TDRD3: variants seen among roughly 807,000 people sequenced by gnomAD.
TDRD3 encodes the protein tudor domain containing 3, also known as tudor domain-containing protein 3.
Under a neutral mutation model 86.7 loss-of-function variants are expected in TDRD3, and 45 were observed. The ratio of observed to expected loss-of-function variants is 0.52; its 90% CI spans 0.41 to 0.67. TDRD3 has a LOEUF of 0.67. TDRD3 is among the 30% of genes least tolerant of loss of function. The probability of loss-of-function intolerance (pLI) is 0.00; values close to 1 mark genes in which losing one functional copy is unlikely to be tolerated. For synonymous variants in TDRD3, 298 were observed against 301.7 expected, an observed-to-expected ratio of 0.99 and a Z score of 0.13; for missense variants, 814 against 889.0, an observed-to-expected ratio of 0.92 and a Z score of 1.07.
chr13:60,496,343 A>ATC lies in TDRD3; in HGVS notation c.858+1769_858+1770dup, dbSNP rs1555282896. On this transcript the variant is annotated intron_variant, in intron 8 of 13. Transcript: ENST00000377881. ...TATATATATATATATATATATATAT[A>ATC]TCCTCTAAAGTTTTGTCCCTCTAAA... 9.7e-3 allele frequency among the ~76,000 whole-genome samples: 891 copies of ATC among 91,394 alleles called. 39 individuals carry two copies. The highest frequency in any genetic ancestry group is 0.013 in the Non-Finnish European group (619 of 46,512). 60.0% of individuals were successfully genotyped at this position (91,394 alleles called of 152,430 possible).
At chr13:60,429,596 ATTG>A (rs1413072801) in intron 1 of TDRD3, among the ~76,000 whole-genome samples, 1 of 152,178 alleles carries the variant, frequency 6.6e-6, no homozygotes, top group East Asian at 1.9e-4. Flanking sequence ...TTACTTTCTT[ATTG>A]TTAAAAAACT....
At chr13:60,402,691 CTTTTTTTTTTT>C (rs35984156) in intron 1 of TDRD3, among the ~76,000 whole-genome samples, 1 of 73,272 alleles carries the variant, frequency 1.4e-5, no homozygotes, top group African/African-American at 5.9e-5. Flanking sequence ...AAACCAATTG[CTTTTTTTTTTT>C]TTTTTTTTTT....
At chr13:60,549,671 TATCTC>T (rs1461873373) in intron 12 of TDRD3, among the ~76,000 whole-genome samples, 1 of 152,160 alleles carries the variant, frequency 6.6e-6, no homozygotes, top group Admixed American at 6.5e-5. Context: ...TTTGGGGGCT[TATCTC>T]AGTAAAGAAA....
rs975316747 is a variant in TDRD3 at position 60,439,824 on chromosome 13, A to G, written c.126+52A>G. 1.5e-5 allele frequency: 19 copies of G among 1,304,130 alleles called. No homozygotes were observed. In the African/African-American group the frequency reaches 2.6e-4, roughly 18 times the overall value. The allele number at this position is 1,304,130 out of a possible 1,614,324, so 80.8% of individuals were successfully genotyped here. A position where few individuals can be genotyped will look rare whatever the true frequency, so the allele number is the denominator to read the frequency against. The stretch of plus-strand genomic sequence containing the variant: ...CATTTGAAATCTGGAAGCTGTATTC[A>G]TAAAAAAGTCTCAGAGTAAATTGGG... On this transcript the variant is annotated intron_variant, in intron 2 of 13. Transcript: ENST00000377881.
At chr13:60,431,899 C>T (rs1233235744) in intron 1 of TDRD3, among the ~76,000 whole-genome samples, 3 of 151,798 alleles carry the variant, frequency 2.0e-5, no homozygotes, top group South Asian at 2.1e-4. Flanking sequence ...TTAAATAGTA[C>T]GTACCTTTAT....
intron 12 of TDRD3, among the ~76,000 whole-genome samples, chr13:60,557,227 A>AG (rs71092684): frequency 4.0e-5 from 6 of 149,400 alleles, no homozygotes; most frequent in African/African-American, 1.5e-4. Flanking sequence ...AAAAAAAAAA[A>AG]GTAGTTCCTG....
chr13:60,518,141 A>T (rs1052934215), intron 10 of TDRD3, among the ~76,000 whole-genome samples: 1 of 152,210 alleles, frequency 6.6e-6, no homozygotes, highest in Non-Finnish European at 1.5e-5. Context: ...GTGAAAATAT[A>T]CTACACTGCT....
chr13:60,506,293 C>T (rs893392787), intron 8 of TDRD3, among the ~76,000 whole-genome samples: 2 of 152,100 alleles, frequency 1.3e-5, no homozygotes, highest in South Asian at 4.1e-4. Context: ...CCAAACTAAG[C>T]TTCAAAAGCA....
chr13:60,535,757 T>C (rs966313055), intron 12 of TDRD3: 5 of 152,174 alleles, frequency 3.3e-5, no homozygotes, highest in Admixed American at 3.3e-4. Context: ...ATTATTGGAG[T>C]AGTTTTGTTA....
intron 4 of TDRD3, among the ~76,000 whole-genome samples, chr13:60,462,667 A>G (rs1015666984): frequency 3.3e-5 from 5 of 151,852 alleles, no homozygotes; most frequent in African/African-American, 1.2e-4. Context: ...GCCCCTTGCT[A>G]GTTTTTATTA....
At chr13:60,409,718 G>T (rs2137822525) in intron 1 of TDRD3, among the ~76,000 whole-genome samples, 2 of 152,316 alleles carry the variant, frequency 1.3e-5, no homozygotes, top group South Asian at 4.1e-4. Flanking sequence ...GCTTGCTTTT[G>T]ATTGTACAGG....
Position 60,557,820 on chromosome 13 carries a change from AT to A in TDRD3, c.2119-9683del, listed in dbSNP as rs749028045. ...GGCATAAAGGATTTTTTTTTTCCTG[AT>A]TTTTTTTTTTTTTTTTTTTTTGAGA... is the stretch of plus-strand genomic sequence containing the variant. On this transcript the variant is annotated intron_variant, in intron 12 of 13. Transcript: ENST00000377881. Among the ~76,000 whole-genome samples, 586 of 88,270 alleles carry A rather than the reference AT, an allele frequency of 6.6e-3. 2 individuals carry two copies. Among genetic ancestry groups the A allele is most frequent in the East Asian group, 0.062 (207 of 3,352 alleles). The allele number at this position is 88,270 out of a possible 152,430, so 57.9% of individuals were successfully genotyped here. A position where few individuals can be genotyped will look rare whatever the true frequency, so the allele number is the denominator to read the frequency against.
intron 8 of TDRD3, among the ~76,000 whole-genome samples, chr13:60,503,428 A>T (rs1456997116): frequency 3.3e-5 from 5 of 152,242 alleles, no homozygotes; most frequent in Non-Finnish European, 5.9e-5. Context: ...GACAACCTTA[A>T]TTATGATTAA....
chr13:60,533,792 G>C (rs1175739087), intron 11 of TDRD3, among the ~76,000 whole-genome samples: 1 of 152,144 alleles, frequency 6.6e-6, no homozygotes, highest in African/African-American at 2.4e-5. Flanking sequence ...TTTCTGTCCT[G>C]AATGGGATGA....
chr13:60,397,288 G>GT lies in TDRD3; in HGVS notation c.-77_-76insT, dbSNP rs1555268200. ...TTTTCTTTTCTTTTTTTTTTTTTAA[G>GT]GGGGGGGGTCTCAAGTAGGAGGCCT... is the stretch of plus-strand genomic sequence containing the variant. On this transcript the variant is annotated 5_prime_UTR_variant, in exon 1 of 14. An upstream open reading frame in the 5' UTR gains an earlier in-frame stop. Transcript: ENST00000377881. The GT allele has an allele frequency of 1.1e-5, 6 of 528,232 alleles. No individual in the cohort carries two copies. In the African/African-American group the frequency reaches 1.4e-4, roughly 12 times the overall value. 32.7% of individuals were successfully genotyped at this position (528,232 alleles called of 1,614,324 possible).
At chr13:60,509,571 G>C (rs1957013503) in intron 8 of TDRD3, 192 bp from the exon 9 acceptor site, 1 of 658,438 alleles carries the variant, frequency 1.5e-6, no homozygotes, top group Non-Finnish European at 2.6e-6. Context: ...GAATACTCAA[G>C]GCACAACCCC....
chr13:60,527,087 A>C (rs755539423), intron 10 of TDRD3, among the ~76,000 whole-genome samples: 1 of 152,154 alleles, frequency 6.6e-6, no homozygotes, highest in Non-Finnish European at 1.5e-5. Flanking sequence ...CACCTGCTTC[A>C]GCCTTCCAAA....
Position 60,535,171 on chromosome 13 carries a change from G to C in TDRD3, c.2056G>C (p.Asp686His). 3 of 1,613,842 alleles carry C rather than the reference G, an allele frequency of 1.9e-6. No individual in the cohort carries two copies. The highest frequency in any genetic ancestry group is 2.5e-6 in the Non-Finnish European group (3 of 1,179,890). Residue 686 changes from aspartate (D) to histidine (H), a missense_variant, in exon 12 of 14, where the codon GAC becomes CAC. Asp to His is a moderately conservative substitution (Grantham distance 81). Coordinates refer to ENST00000377881, the MANE Select transcript of TDRD3 (RefSeq NM_001146070.2). ...SGMTAVVKFI[D>H]YGNYEEVLLS... Reference sequence around the variant, plus strand: ...TATGACAGCAGTTGTTAAATTCATTGACTACGGAAACTATGAAGAGGTGCT... The same window carrying C: ...TATGACAGCAGTTGTTAAATTCATTCACTACGGAAACTATGAAGAGGTGCT...
intron 10 of TDRD3, among the ~76,000 whole-genome samples, chr13:60,519,800 C>G (rs1000470310): frequency 2.6e-5 from 4 of 152,146 alleles, no homozygotes; most frequent in Non-Finnish European, 5.9e-5. Context: ...TATAACTGTA[C>G]TCTGAGGTAA....
Sources: allele counts gnomAD v4.1 joint callset (sites outside exome capture counted in the v4.1 genomes callset), GRCh38; gene constraint gnomAD v4.1.1; transcripts MANE v1.5; gene names NCBI Gene and HGNC (gene_info 2026-07-23, HGNC 2026-07-21).